C5orf34: variants seen among roughly 807,000 people sequenced by gnomAD.
The protein encoded by C5orf34 is chromosome 5 open reading frame 34, also known as uncharacterized protein C5orf34.
C5orf34 carries 73 observed loss-of-function variants against 78.4 expected under a neutral mutation model. The ratio of observed to expected loss-of-function variants is 0.93; its 90% CI spans 0.77 to 1.13. C5orf34 has a LOEUF of 1.13. C5orf34 is among the 50% of genes most tolerant of loss of function. The pLI, the probability that C5orf34 is intolerant of heterozygous loss-of-function variation, is 0.00. For synonymous variants in C5orf34, 251 were observed against 246.6 expected (o/e 1.02, Z -0.17); for missense variants, 730 against 732.7 (o/e 1.00, Z 0.04).
At chr5:43,497,490 A>C (rs1162239547) in intron 6 of C5orf34, among the ~76,000 whole-genome samples, 1 of 152,108 alleles carries the variant, frequency 6.6e-6, no homozygotes, top group African/African-American at 2.4e-5. Context: ...TGCAGCTCAT[A>C]CTCTTTACCA....
At chr5:43,495,889 A>G (rs1745496758) in intron 6 of C5orf34, 1 of 1,593,894 alleles carries the variant, frequency 6.3e-7, no homozygotes, top group Non-Finnish European at 8.6e-7. Flanking sequence ...AAATTGGCAC[A>G]AATGCTACTG....
chr5:43,505,388 C>G (rs896938448), intron 4 of C5orf34, among the ~76,000 whole-genome samples: 5 of 152,232 alleles, frequency 3.3e-5, no homozygotes, highest in Non-Finnish European at 7.3e-5. Flanking sequence ...CCTGGGCCCA[C>G]AGAGCCCTGT....
intron 11 of C5orf34, among the ~76,000 whole-genome samples, chr5:43,488,932 C>T (rs1745165731): frequency 6.6e-6 from 1 of 152,024 alleles, no homozygotes; most frequent in Admixed American, 6.6e-5. Context: ...ATTGGCTTTA[C>T]TACAACAGAT....
In C5orf34 at chr5:43,494,580, CTGAG is replaced by C. The variant is rs1306607647; in HGVS notation, c.1170_1173del (p.Tyr390Ter). The C allele has an allele frequency of 2.5e-5, 40 of 1,601,040 alleles. No homozygotes were observed. The highest frequency in any genetic ancestry group is 3.3e-5 in the Non-Finnish European group (39 of 1,171,640). ...GGTCTATCTGGAGGAAGGTTATTTA[CTGAG>C]TAAGTTTTCTCTTCTCTCTGAAAAT... On this transcript the variant is annotated frameshift_variant, in exon 7 of 13. Coordinates refer to ENST00000306862, the MANE Select transcript of C5orf34 (RefSeq NM_198566.4). LOFTEE classifies it high-confidence loss of function.
At chr5:43,496,446 C>T in intron 6 of C5orf34, 2 of 1,580,206 alleles carry the variant, frequency 1.3e-6, no homozygotes, top group Non-Finnish European at 1.7e-6. Flanking sequence ...GAGTCTTTTC[C>T]TTTCCCATTT....
chr5:43,490,543 GA>G (rs1371745067), intron 11 of C5orf34, 87 bp downstream of exon 11: 10 of 817,436 alleles, frequency 1.2e-5, no homozygotes, highest in African/African-American at 1.8e-5. Context: ...TTTTTTTGGG[GA>G]AAAAAGTCTC....
intron 5 of C5orf34, 123 bp downstream of exon 5, chr5:43,503,542 C>T: frequency 2.7e-6 from 2 of 751,756 alleles, no homozygotes; most frequent in South Asian, 2.9e-5. Flanking sequence ...AACACAGGAG[C>T]ACAGTTGGCC....
chr5:43,511,700 C>T (rs1746267922), intron 1 of C5orf34, among the ~76,000 whole-genome samples: 1 of 152,180 alleles, frequency 6.6e-6, no homozygotes, highest in African/African-American at 2.4e-5. Flanking sequence ...ATACTTCTGC[C>T]TTGGGATGCT....
At chr5:43,507,054 A>G (rs571586097) in intron 3 of C5orf34, among the ~76,000 whole-genome samples, 1 of 152,208 alleles carries the variant, frequency 6.6e-6, no homozygotes, top group South Asian at 2.1e-4. Context: ...CAAATAAGGT[A>G]ACATGTAAAA....
At chr5:43,498,828 C>T (rs1015489111) in intron 6 of C5orf34, among the ~76,000 whole-genome samples, 1 of 152,206 alleles carries the variant, frequency 6.6e-6, no homozygotes, top group Non-Finnish European at 1.5e-5. Context: ...TGAGGTTACT[C>T]ATGCTCCAGT....
chr5:43,491,731 T>C (rs1745288263), intron 10 of C5orf34, among the ~76,000 whole-genome samples: 1 of 152,172 alleles, frequency 6.6e-6, no homozygotes, highest in African/African-American at 2.4e-5. Context: ...AGGCCGGGCA[T>C]GGTGGCTCAT....
At chr5:43,503,348 C>T (rs946697459) in intron 5 of C5orf34, among the ~76,000 whole-genome samples, 1 of 152,192 alleles carries the variant, frequency 6.6e-6, no homozygotes, top group Admixed American at 6.5e-5. Context: ...ACAACTTGAT[C>T]CTCCAATGCT....
chr5:43,496,284 G>A, intron 6 of C5orf34: 1 of 1,586,016 alleles, frequency 6.3e-7, no homozygotes, highest in Non-Finnish European at 8.6e-7. Flanking sequence ...GCAAGACCCA[G>A]GCATACTTGA....
rs1467540137 is a variant in C5orf34 at position 43,514,974 on chromosome 5, A to C, written c.-205T>G. The stretch of plus-strand genomic sequence containing the variant: ...GCGAGTGATATTTCTTGGTGAAAGA[A>C]AAAAATCACAACCCTAGAGGAATAA... On this transcript the variant is annotated 5_prime_UTR_variant, in exon 1 of 13. Coordinates refer to ENST00000306862, the MANE Select transcript of C5orf34 (RefSeq NM_198566.4). 6.6e-6 allele frequency: 1 copy of C among 152,194 alleles called. No individual in the cohort carries two copies. Among genetic ancestry groups the C allele is most frequent in the Non-Finnish European group, 1.5e-5 (1 of 68,042 alleles). The allele number at this position is 152,194 out of a possible 1,614,324, so 9.4% of individuals were successfully genotyped here. A position where few individuals can be genotyped will look rare whatever the true frequency, so the allele number is the denominator to read the frequency against.
chr5:43,505,998 C>A lies in C5orf34; in HGVS notation c.682G>T (p.Gly228Cys), dbSNP rs377185278. ...GTGTATACACATGTGTGCTTTGTAC[C>A]AGGCGAAGGCAGCTCTTCCCTCCCT... ...TEGREELPSP[G>C]TKHTCVYTWV... Residue 228 changes from glycine (G) to cysteine (C), a missense_variant, in exon 4 of 13, where the codon GGT (glycine) becomes TGT (cysteine). Coordinates refer to ENST00000306862, the MANE Select transcript of C5orf34 (RefSeq NM_198566.4). The A allele has an allele frequency of 2.4e-5, 38 of 1,614,024 alleles. No individual in the cohort carries two copies. Among genetic ancestry groups the A allele is most frequent in the Non-Finnish European group, 3.0e-5 (35 of 1,180,044 alleles).
chr5:43,505,953 A>C lies in C5orf34; in HGVS notation c.727T>G (p.Ser243Ala), dbSNP rs1041075104. The C allele has an allele frequency of 1.2e-6, 2 of 1,614,102 alleles. No homozygotes were observed. Among genetic ancestry groups the C allele is most frequent in the African/African-American group, 2.7e-5 (2 of 74,928 alleles). Residue 243 changes from serine to alanine, a missense_variant, in exon 4 of 13, where the codon TCT (serine) becomes GCT (alanine). Physicochemically the swap from Ser to Ala is moderately conservative, Grantham distance 99. Transcript: ENST00000306862. ...CVYTWVKQCWSVAACPEEWKY... is the reference protein window; with the variant it reads ...CVYTWVKQCWAVAACPEEWKY... ...CATTCCTCTGGACAGGCAGCCACAGACCAGCACTGCTTGACCCATGTGTAT... is the reference window on the plus strand; with the variant it reads ...CATTCCTCTGGACAGGCAGCCACAGCCCAGCACTGCTTGACCCATGTGTAT...
At chr5:43,514,675 GT>G (rs1338757157) in intron 1 of C5orf34, 130 bp downstream of exon 1, 2 of 152,126 alleles carry the variant, frequency 1.3e-5, no homozygotes, top group Non-Finnish European at 2.9e-5. Flanking sequence ...TTACGTCAGG[GT>G]ATGTTTAACA....
intron 3 of C5orf34, 71 bp from the exon 4 acceptor site, chr5:43,506,465 T>C: frequency 1.4e-6 from 2 of 1,426,370 alleles, no homozygotes; most frequent in African/African-American, 1.4e-5. Flanking sequence ...ATATTTGATA[T>C]TTAAGTATTG....
At chr5:43,489,283 CT>C (rs1253662076) in intron 11 of C5orf34, among the ~76,000 whole-genome samples, 5 of 151,966 alleles carry the variant, frequency 3.3e-5, no homozygotes, top group Non-Finnish European at 7.4e-5. Flanking sequence ...ACTTAGGTAG[CT>C]TTTTATTGTA....
Sources: allele counts gnomAD v4.1 joint callset (sites outside exome capture counted in the v4.1 genomes callset), GRCh38; gene constraint gnomAD v4.1.1; transcripts MANE v1.5; gene names NCBI Gene and HGNC (gene_info 2026-07-23, HGNC 2026-07-21).